Variants in CHN1 observed in about 807,000 individuals in gnomAD.
CHN1 encodes the protein N-chimaerin.
CHN1 carries 37 observed loss-of-function variants against 59.5 expected under a neutral mutation model. That is an observed-to-expected ratio of 0.62 (90% confidence interval 0.48 to 0.82). CHN1 has a LOEUF of 0.82. CHN1 is among the 40% of genes least tolerant of loss of function. The pLI, the probability that CHN1 is intolerant of heterozygous loss-of-function variation, is 0.00. For synonymous variants in CHN1, 206 were observed against 200.4 expected (o/e 1.03, Z -0.24); for missense variants, 469 against 571.0 (o/e 0.82, Z 1.82).
chr2:174,968,447 G>T (rs1391774846), intron 1 of CHN1, among the ~76,000 whole-genome samples: 1 of 152,250 alleles, frequency 6.6e-6, no homozygotes, highest in Non-Finnish European at 1.5e-5. Flanking sequence ...CAAATGAGCG[G>T]AGTTGGATAA....
chr2:174,967,573 T>C (rs1690633314), intron 1 of CHN1, among the ~76,000 whole-genome samples: 1 of 152,236 alleles, frequency 6.6e-6, no homozygotes, highest in Admixed American at 6.5e-5. Context: ...GCACTTGAAA[T>C]TCCAGATATT....
At chr2:174,900,858 C>G (rs1688370980) in intron 5 of CHN1, among the ~76,000 whole-genome samples, 1 of 149,312 alleles carries the variant, frequency 6.7e-6, no homozygotes, top group African/African-American at 2.5e-5. Flanking sequence ...CTATCTAGGG[C>G]AAAGAAAAAT....
chr2:174,911,582 G>C (rs1479036584), intron 5 of CHN1, among the ~76,000 whole-genome samples: 1 of 152,192 alleles, frequency 6.6e-6, no homozygotes, highest in East Asian at 1.9e-4. Flanking sequence ...CTGAGATGGG[G>C]CATGGAAGAA....
intron 7 of CHN1, among the ~76,000 whole-genome samples, chr2:174,845,273 TATATTTA>T (rs1419321903): frequency 6.6e-6 from 1 of 152,146 alleles, no homozygotes; most frequent in African/African-American, 2.4e-5. Flanking sequence ...TCTTTGGAGA[TATATTTA>T]AGATCTCAGC....
At chr2:174,827,613 C>T (rs930528444) in intron 7 of CHN1, among the ~76,000 whole-genome samples, 7 of 152,068 alleles carry the variant, frequency 4.6e-5, no homozygotes, top group Non-Finnish European at 8.8e-5. Flanking sequence ...AGGGGAGTGA[C>T]ACGGTCAAGG....
chr2:174,846,237 A>G (rs753448628), intron 7 of CHN1: 5 of 1,496,934 alleles, frequency 3.3e-6, no homozygotes, highest in Admixed American at 2.2e-5. Context: ...ATCAACACAC[A>G]TATCACCTTG....
At chr2:174,922,274 T>A (rs189010088) in intron 3 of CHN1, among the ~76,000 whole-genome samples, 1 of 152,360 alleles carries the variant, frequency 6.6e-6, no homozygotes, top group East Asian at 1.9e-4. Flanking sequence ...AACCATTTAG[T>A]AGTGTCCTTT....
At chr2:174,920,294 G>C (rs767450583) in intron 3 of CHN1, among the ~76,000 whole-genome samples, 7 of 152,128 alleles carry the variant, frequency 4.6e-5, no homozygotes, top group Non-Finnish European at 7.4e-5. Flanking sequence ...AGGAACATGG[G>C]AGTGCAGATA....
intron 6 of CHN1, among the ~76,000 whole-genome samples, chr2:174,851,670 A>T (rs758213887): frequency 6.6e-6 from 1 of 152,168 alleles, no homozygotes; most frequent in African/African-American, 2.4e-5. Flanking sequence ...AGATTCCACA[A>T]TCCTCTGTTT....
At chr2:174,920,165 C>T (rs1459460150) in intron 3 of CHN1, among the ~76,000 whole-genome samples, 2 of 152,106 alleles carry the variant, frequency 1.3e-5, no homozygotes, top group Non-Finnish European at 2.9e-5. Context: ...CCATTGTATA[C>T]TGAAATGGAA....
At position 174,811,517 on chromosome 2, in the gene CHN1, C is replaced by G. The variant is rs753725678; in HGVS notation, c.958G>C (p.Asp320His). 27 of 1,608,906 alleles carry G rather than the reference C, an allele frequency of 1.7e-5. No individual in the cohort carries two copies. Among genetic ancestry groups the G allele is most frequent in the Non-Finnish European group, 2.2e-5 (26 of 1,176,350 alleles). Residue 320 changes from aspartate to histidine, a missense_variant, in exon 10 of 13, where the codon GAC becomes CAC. Transcript: ENST00000409900. ...AACATTGTGAAAAACATACCTCTGT[C>G]GAAAGCCATCTTGACATCTTCAATT... ...DLIEDVKMAF[D>H]RDGEKADISV...
intron 7 of CHN1, among the ~76,000 whole-genome samples, chr2:174,830,233 A>C (rs1685829975): frequency 7.7e-6 from 1 of 130,330 alleles, no homozygotes; most frequent in Non-Finnish European, 1.5e-5. Flanking sequence ...ACTCTGTCTC[A>C]AAAAAAAATA....
intron 7 of CHN1, among the ~76,000 whole-genome samples, chr2:174,844,416 C>A (rs542702073): frequency 3.3e-5 from 5 of 152,034 alleles, no homozygotes; most frequent in African/African-American, 1.2e-4. Context: ...GACAGCTGTT[C>A]GATTCCACAG....
At chr2:174,887,048 C>G (rs554516249) in intron 5 of CHN1, among the ~76,000 whole-genome samples, 1 of 152,150 alleles carries the variant, frequency 6.6e-6, no homozygotes, top group East Asian at 1.9e-4. Flanking sequence ...CTATAATTTT[C>G]TATTTTATAT....
intron 7 of CHN1, among the ~76,000 whole-genome samples, chr2:174,846,618 A>C (rs1412464485): frequency 2.0e-5 from 3 of 152,238 alleles, no homozygotes; most frequent in Non-Finnish European, 4.4e-5. Context: ...AGACCTTTTA[A>C]ATATCAGTCA....
intron 5 of CHN1, among the ~76,000 whole-genome samples, chr2:174,908,013 C>T (rs1688591197): frequency 6.6e-6 from 1 of 152,114 alleles, no homozygotes; most frequent in African/African-American, 2.4e-5. Context: ...AGCATAAAAT[C>T]AACAGGAAAG....
intron 1 of CHN1, among the ~76,000 whole-genome samples, chr2:174,993,390 A>G (rs1250114125): frequency 1.3e-5 from 2 of 152,174 alleles, no homozygotes; most frequent in African/African-American, 4.8e-5. Flanking sequence ...AAGCGTTAGA[A>G]TAAGTTTTTC....
chr2:174,832,535 T>C (rs1685915119), intron 7 of CHN1, among the ~76,000 whole-genome samples: 1 of 152,132 alleles, frequency 6.6e-6, no homozygotes, highest in South Asian at 2.1e-4. Flanking sequence ...CAAAATATTT[T>C]CTAATGTATC....
intron 5 of CHN1, among the ~76,000 whole-genome samples, chr2:174,888,819 C>T (rs116014207): frequency 2.6e-5 from 4 of 152,152 alleles, no homozygotes; most frequent in African/African-American, 7.2e-5. Flanking sequence ...CCTCTTGCCT[C>T]AGGGCACTCA....
Sources: allele counts gnomAD v4.1 joint callset (sites outside exome capture counted in the v4.1 genomes callset), GRCh38; gene constraint gnomAD v4.1.1; transcripts MANE v1.5; gene names NCBI Gene and HGNC (gene_info 2026-07-23, HGNC 2026-07-21).